COL23A1: variants seen among roughly 807,000 people sequenced by gnomAD.
COL23A1 encodes collagen type XXIII alpha 1 chain, also known as collagen alpha-1(XXIII) chain.
A neutral mutation model predicts 99.3 loss-of-function variants in COL23A1; 97 were observed. The ratio of observed to expected loss-of-function variants is 0.98; its 90% CI spans 0.83 to 1.16. The LOEUF is 1.16. Among genes scored for constraint, COL23A1 ranks in the 50% most tolerant of loss-of-function variants. The probability of loss-of-function intolerance (pLI) is 0.00; values close to 1 mark genes in which losing one functional copy is unlikely to be tolerated. For synonymous variants in COL23A1, 320 were observed against 308.2 expected (o/e 1.04, Z -0.40); for missense variants, 762 against 757.4 (o/e 1.01, Z -0.07).
At chr5:178,550,046 G>A (rs938431582) in intron 2 of COL23A1, among the ~76,000 whole-genome samples, 2 of 152,074 alleles carry the variant, frequency 1.3e-5, no homozygotes, top group Admixed American at 6.5e-5. Context: ...ACCTCCATGA[G>A]ACTCCATTCT....
chr5:178,259,624 C>G, intron 12 of COL23A1, 97 bp downstream of exon 12: 1 of 1,190,412 alleles, frequency 8.4e-7, no homozygotes, highest in Non-Finnish European at 1.2e-6. Context: ...CAGCCCATCC[C>G]GTCCCCATCC....
intron 2 of COL23A1, among the ~76,000 whole-genome samples, chr5:178,358,295 T>C (rs1016590973): frequency 2.2e-5 from 3 of 139,278 alleles, no homozygotes; most frequent in African/African-American, 8.0e-5. Context: ...TGTGCGTATA[T>C]GTATGTATGT....
chr5:178,257,376 C>T (rs960925101), intron 13 of COL23A1, 147 bp downstream of exon 13: 30 of 889,134 alleles, frequency 3.4e-5, no homozygotes, highest in South Asian at 7.4e-5. Flanking sequence ...GGTGGGGCCG[C>T]GGCCTTCCTC....
In COL23A1 at chr5:178,547,996, C is replaced by CA. The variant is rs1761788559; in HGVS notation, c.361+12685_361+12686insT. 1.1e-4 allele frequency among the ~76,000 whole-genome samples: 3 copies of CA among 27,686 alleles called. 1 individual carries two copies. The highest frequency in any genetic ancestry group is 2.2e-4 in the Non-Finnish European group (3 of 13,654). 18.2% of individuals were successfully genotyped at this position (27,686 alleles called of 152,430 possible). On this transcript the variant is annotated intron_variant, in intron 2 of 28. Transcript: ENST00000390654. The stretch of plus-strand genomic sequence containing the variant: ...CATACCCACACCCACCCCCCACACA[C>CA]CCCCATACCCACCCACACACACCCA...
intron 9 of COL23A1, among the ~76,000 whole-genome samples, chr5:178,262,909 G>C (rs74425781): frequency 0.016 from 2,482 of 152,232 alleles, 44 homozygotes; most frequent in South Asian, 0.044. Context: ...GAATGAGTTA[G>C]AGGTCAAGGT....
chr5:178,249,033 G>C, intron 19 of COL23A1, 84 bp downstream of exon 19: 1 of 1,388,776 alleles, frequency 7.2e-7, no homozygotes, highest in South Asian at 1.2e-5. Flanking sequence ...TCACGCCCTG[G>C]CCTCCCCACA....
intron 2 of COL23A1, among the ~76,000 whole-genome samples, chr5:178,486,832 G>A (rs1318001035): frequency 3.3e-5 from 5 of 152,166 alleles, no homozygotes; most frequent in Non-Finnish European, 7.4e-5. Flanking sequence ...ACTGTGTCTC[G>A]CCTTGGACTT....
In COL23A1 at chr5:178,310,943, A is replaced by T. The variant is rs1012931574; in HGVS notation, c.362-4024T>A. On this transcript the variant is annotated intron_variant, in intron 2 of 28. Coordinates refer to ENST00000390654, the MANE Select transcript of COL23A1 (RefSeq NM_173465.4). The surrounding 1 kb of genome is among the most constrained non-coding windows in gnomAD (Gnocchi z 4.3). ...GGAGTCTGTCTTGATTGATCTGCTC[A>T]TGTGGAGAAGGGGAAACTGAGGCTG... Among the ~76,000 whole-genome samples the T allele has an allele frequency of 6.6e-6, 1 of 152,118 alleles. No individual in the cohort carries two copies. The highest frequency in any genetic ancestry group is 1.5e-5 in the Non-Finnish European group (1 of 68,036).
chr5:178,566,251 G>A (rs1422934454), intron 1 of COL23A1, among the ~76,000 whole-genome samples: 1 of 152,182 alleles, frequency 6.6e-6, no homozygotes, highest in Non-Finnish European at 1.5e-5. Context: ...TACAAGGGCA[G>A]CATGGAGGAG....
In COL23A1 at chr5:178,261,392, C is replaced by T. The variant is rs147393983; in HGVS notation, c.702+330G>A. Among the ~76,000 whole-genome samples, 15 of 150,954 alleles carry T rather than the reference C, an allele frequency of 9.9e-5. No individual in the cohort carries two copies. In the East Asian group the frequency reaches 1.6e-3, roughly 16 times the overall value. ...TCGTGCCACTGCATTCCAGCCTAGG[C>T]GACAGTGAGACTCTGCCTCAAAAGA... On this transcript the variant is annotated intron_variant, in intron 11 of 28. Coordinates refer to ENST00000390654, the MANE Select transcript of COL23A1 (RefSeq NM_173465.4).
At chr5:178,548,189 C>G (rs1368780354) in intron 2 of COL23A1, among the ~76,000 whole-genome samples, 1 of 151,132 alleles carries the variant, frequency 6.6e-6, no homozygotes, top group African/African-American at 2.4e-5. Flanking sequence ...CAGCATCACT[C>G]CCGGCACCGT....
intron 2 of COL23A1, among the ~76,000 whole-genome samples, chr5:178,339,238 CA>C (rs1760518085): frequency 1.3e-5 from 2 of 152,318 alleles, no homozygotes; most frequent in Admixed American, 1.3e-4. Flanking sequence ...AACCTCTCCT[CA>C]CAAAACCTCC....
Position 178,468,352 on chromosome 5 carries a change from G to A in COL23A1, c.361+92330C>T, listed in dbSNP as rs1303401933. ...AGAACACGGAGGTGCAAGACAGGGAGGGGATGGAAGCCAGCACGTGGGTCA... is the reference window on the plus strand; with the variant it reads ...AGAACACGGAGGTGCAAGACAGGGAAGGGATGGAAGCCAGCACGTGGGTCA... On this transcript the variant is annotated intron_variant, in intron 2 of 28. Coordinates refer to ENST00000390654, the MANE Select transcript of COL23A1 (RefSeq NM_173465.4). This position sits in a 1 kb window ranked among gnomAD's most constrained non-coding sequence, Gnocchi z 4.2. Among the ~76,000 whole-genome samples, 1 of 152,178 alleles carries A rather than the reference G, an allele frequency of 6.6e-6. No individual in the cohort carries two copies. Among genetic ancestry groups the A allele is most frequent in the Non-Finnish European group, 1.5e-5 (1 of 68,022 alleles).
At position 178,428,063 on chromosome 5, in the gene COL23A1, G is replaced by A. The variant is rs1326283951; in HGVS notation, c.362-121144C>T. Among the ~76,000 whole-genome samples the A allele has an allele frequency of 6.6e-6, 1 of 152,094 alleles. No individual in the cohort carries two copies. Among genetic ancestry groups the A allele is most frequent in the Non-Finnish European group, 1.5e-5 (1 of 68,024 alleles). On this transcript the variant is annotated intron_variant, in intron 2 of 28. Coordinates refer to ENST00000390654, the MANE Select transcript of COL23A1 (RefSeq NM_173465.4). This position sits in a 1 kb window ranked among gnomAD's most constrained non-coding sequence, Gnocchi z 5.0. ...GAAGGAGTATTAGGAAGCCAATTTG[G>A]CTCTGGTCCAAGCCCTCTCCTCCAG...
rs1756892955 is a variant in COL23A1, at chr5:178,281,447, C to T, written c.441+6877G>A. Among the ~76,000 whole-genome samples, 1 of 152,162 alleles carries T rather than the reference C, an allele frequency of 6.6e-6. No individual in the cohort carries two copies. The highest frequency in any genetic ancestry group is 2.1e-4 in the South Asian group (1 of 4,828). Reference sequence around the variant, plus strand: ...CAGAGCTCTCGCAGTCCCCTGGGGCCCCGGCTGTCGCTGCTCCCAGGACTG... The same window carrying T: ...CAGAGCTCTCGCAGTCCCCTGGGGCTCCGGCTGTCGCTGCTCCCAGGACTG... On this transcript the variant is annotated intron_variant, in intron 5 of 28. Coordinates refer to ENST00000390654, the MANE Select transcript of COL23A1 (RefSeq NM_173465.4). The surrounding 1 kb of genome is among the most constrained non-coding windows in gnomAD (Gnocchi z 4.0).
rs1310673879 is a variant in COL23A1, at chr5:178,308,988, T to C, written c.362-2069A>G. ...GGGGCTCTTGCCAGGCCTCAGGTTG[T>C]GCTCGGCCCAGCGAAGCAGTAGGCC... On this transcript the variant is annotated intron_variant, in intron 2 of 28. Transcript: ENST00000390654. This position sits in a 1 kb window ranked among gnomAD's most constrained non-coding sequence, Gnocchi z 5.1. Among the ~76,000 whole-genome samples, 3 of 152,108 alleles carry C rather than the reference T, an allele frequency of 2.0e-5. No homozygotes were observed. Among genetic ancestry groups the C allele is most frequent in the Non-Finnish European group, 2.9e-5 (2 of 68,026 alleles).
chr5:178,273,543 C>T (rs1756413677), intron 5 of COL23A1, among the ~76,000 whole-genome samples: 2 of 152,230 alleles, frequency 1.3e-5, no homozygotes, highest in African/African-American at 2.4e-5. Context: ...GTGCAGTGTG[C>T]GCAGTGCTCC....
At chr5:178,278,022 C>T (rs1476536148) in intron 5 of COL23A1, among the ~76,000 whole-genome samples, 1 of 152,216 alleles carries the variant, frequency 6.6e-6, no homozygotes, top group Admixed American at 6.5e-5. Flanking sequence ...TGGGGGAACA[C>T]ACCATCAGCT....
chr5:178,381,899 G>A (rs191229968), intron 2 of COL23A1, among the ~76,000 whole-genome samples: 36 of 152,356 alleles, frequency 2.4e-4, no homozygotes, highest in African/African-American at 8.4e-4. Flanking sequence ...GCTTCCCAAA[G>A]TGCTGGGATT....
Sources: allele counts gnomAD v4.1 joint callset (sites outside exome capture counted in the v4.1 genomes callset), GRCh38; gene constraint gnomAD v4.1.1; non-coding constraint Gnocchi (gnomAD v3.1); transcripts MANE v1.5; gene names NCBI Gene and HGNC (gene_info 2026-07-23, HGNC 2026-07-21).